Variants in PIK3CD observed in about 807,000 individuals in gnomAD.
PIK3CD encodes phosphatidylinositol-4,5-bisphosphate 3-kinase catalytic subunit delta, also known as phosphatidylinositol 4,5-bisphosphate 3-kinase catalytic subunit delta isoform.
Under a neutral mutation model 122.9 loss-of-function variants are expected in PIK3CD, and 20 were observed. The observed-to-expected ratio is 0.16, with a 90% CI of 0.11 to 0.24. PIK3CD has a LOEUF of 0.24. PIK3CD is among the 10% of genes least tolerant of loss of function. The probability of loss-of-function intolerance (pLI) is 1.00; values close to 1 mark genes in which losing one functional copy is unlikely to be tolerated. For missense variants in PIK3CD, 787 were observed against 1,406.3 expected, an observed-to-expected ratio of 0.56 and a Z score of 7.04; for synonymous variants, 596 against 593.4, an observed-to-expected ratio of 1.00 and a Z score of -0.06.
chr1:9,710,395 A>G lies in PIK3CD; in HGVS notation c.-32-29A>G. The G allele has an allele frequency of 6.4e-7, 1 of 1,574,794 alleles. No homozygotes were observed. The highest frequency in any genetic ancestry group is 8.7e-7 in the Non-Finnish European group (1 of 1,145,046). The stretch of plus-strand genomic sequence containing the variant: ...AGGTCTCACCCAGCTCAGCTGAGGT[A>G]ACTCATTTTGCCATTTCTTCATTTT... On this transcript the variant is annotated intron_variant, in intron 2 of 23. Coordinates refer to ENST00000377346, the MANE Select transcript of PIK3CD (RefSeq NM_005026.5). The surrounding 1 kb of genome is among the most constrained non-coding windows in gnomAD (Gnocchi z 4.7).
chr1:9,714,086 A>G (rs1331876972), intron 3 of PIK3CD, among the ~76,000 whole-genome samples: 1 of 152,116 alleles, frequency 6.6e-6, no homozygotes, highest in African/African-American at 2.4e-5. Context: ...TCCTGTGCTC[A>G]AGTGATCCTC....
intron 1 of PIK3CD, among the ~76,000 whole-genome samples, chr1:9,675,019 TAAAAA>T (rs35270071): frequency 1.4e-5 from 1 of 74,018 alleles, no homozygotes; most frequent in Non-Finnish European, 3.0e-5. Context: ...CTGGGCAATG[TAAAAA>T]AAAAAAAAAA....
chr1:9,674,388 T>C (rs1362333651), intron 1 of PIK3CD, among the ~76,000 whole-genome samples: 1 of 151,966 alleles, frequency 6.6e-6, no homozygotes, highest in African/African-American at 2.4e-5. Context: ...ACTTTGAAAA[T>C]ACGAAGGTTG....
chr1:9,722,321 G>T lies in PIK3CD; in HGVS notation c.2312G>T (p.Gly771Val), dbSNP rs749787380. The T allele has an allele frequency of 9.3e-6, 15 of 1,613,252 alleles. No individual in the cohort carries two copies. Among genetic ancestry groups the T allele is most frequent in the Non-Finnish European group, 1.3e-5 (15 of 1,179,812 alleles). Reference protein sequence around the residue: ...IMYSNEEAGSGGSVGIIFKNG... With the variant: ...IMYSNEEAGSVGSVGIIFKNG... The stretch of plus-strand genomic sequence containing the variant: ...TACAGCAACGAGGAGGCAGGCAGCG[G>T]CGGCAGCGTGGGCATCATCTTTAAG... The change falls in exon 18 of 24, where the codon GGC becomes GTC. Residue 771 changes from glycine to valine, a missense_variant. Gly to Val is a moderately radical substitution (Grantham distance 109). Transcript: ENST00000377346. The surrounding 1 kb of genome is among the most constrained non-coding windows in gnomAD (Gnocchi z 7.6).
the PIK3CD span, among the ~76,000 whole-genome samples, chr1:9,642,642 G>A: frequency 2.0e-5 from 3 of 150,980 alleles, no homozygotes; most frequent in East Asian, 2.0e-4. Flanking sequence ...GTGTGAACCC[G>A]GGAGGCGGAG....
intron 1 of PIK3CD, among the ~76,000 whole-genome samples, chr1:9,674,907 C>G (rs1208813535): frequency 6.6e-6 from 1 of 150,554 alleles, no homozygotes; most frequent in Non-Finnish European, 1.5e-5. Context: ...ATGATGCACA[C>G]CTGTAGTCCC....
intron 1 of PIK3CD, among the ~76,000 whole-genome samples, chr1:9,660,003 C>T (rs904565317): frequency 1.3e-5 from 2 of 152,198 alleles, no homozygotes; most frequent in Admixed American, 6.6e-5. Context: ...ACAACCTCCG[C>T]CTCCCAGGTT....
the PIK3CD span, among the ~76,000 whole-genome samples, chr1:9,628,086 T>G: frequency 6.6e-6 from 1 of 151,862 alleles, no homozygotes; most frequent in South Asian, 2.1e-4. Flanking sequence ...GTGGATCACC[T>G]GAGGTCACCA....
Position 9,655,446 on chromosome 1 carries a change from G to GCCC in PIK3CD, c.-138+3652_-138+3654dup, listed in dbSNP as rs59942799. Reference sequence around the variant, plus strand: ...AAAATAAAAAACCCAGGAACCCCCCGCCCCCCCCCCTTTTTTATTGCAGCT... The same window carrying GCCC: ...AAAATAAAAAACCCAGGAACCCCCCGCCCCCCCCCCCCCTTTTTTATTGCAGCT... On this transcript the variant is annotated intron_variant, in intron 1 of 23. Coordinates refer to ENST00000377346, the MANE Select transcript of PIK3CD (RefSeq NM_005026.5). Among the ~76,000 whole-genome samples the GCCC allele has an allele frequency of 2.1e-3, 165 of 76,926 alleles. 1 individual carries two copies. Among genetic ancestry groups the GCCC allele is most frequent in the Middle Eastern group, 7.4e-3 (1 of 136 alleles). The allele number at this position is 76,926 out of a possible 152,430, so 50.5% of individuals were successfully genotyped here. A position where few individuals can be genotyped will look rare whatever the true frequency, so the allele number is the denominator to read the frequency against.
In PIK3CD at chr1:9,722,175, A is replaced by G; in HGVS notation, c.2234+22A>G. 6.2e-7 allele frequency: 1 copy of G among 1,612,442 alleles called. No individual in the cohort carries two copies. The highest frequency in any genetic ancestry group is 1.3e-5 in the African/African-American group (1 of 74,962). On this transcript the variant is annotated intron_variant, in intron 17 of 23. Transcript: ENST00000377346. The surrounding 1 kb of genome is among the most constrained non-coding windows in gnomAD (Gnocchi z 7.6). Reference sequence around the variant, plus strand: ...TCTGGTGAGCCCAAGCCCCGCCACAAGGGTTCCTCCCACCCCTGGGAGGCC... The same window carrying G: ...TCTGGTGAGCCCAAGCCCCGCCACAGGGGTTCCTCCCACCCCTGGGAGGCC...
At chr1:9,702,740 C>G (rs532553563) in intron 2 of PIK3CD, among the ~76,000 whole-genome samples, 4 of 151,642 alleles carry the variant, frequency 2.6e-5, no homozygotes, top group African/African-American at 7.3e-5. Flanking sequence ...AGGCTGGTTT[C>G]GAACTCCTGA....
At position 9,715,524 on chromosome 1, in the gene PIK3CD, G is replaced by A. The variant is rs774574713; in HGVS notation, c.142-17G>A. On this transcript the variant is annotated splice_polypyrimidine_tract_variant and intron_variant, in intron 3 of 23. Coordinates refer to ENST00000377346, the MANE Select transcript of PIK3CD (RefSeq NM_005026.5). This position sits in a 1 kb window ranked among gnomAD's most constrained non-coding sequence, Gnocchi z 4.1. Reference sequence around the variant, plus strand: ...GCTGCCTTGGGTGGAGGGGCTGACCGGTGACTGTCCCTCCAGCTGCTGTGG... The same window carrying A: ...GCTGCCTTGGGTGGAGGGGCTGACCAGTGACTGTCCCTCCAGCTGCTGTGG... 15 of 1,608,598 alleles carry A rather than the reference G, an allele frequency of 9.3e-6. No homozygotes were observed. The highest frequency in any genetic ancestry group is 5.0e-5 in the Admixed American group (3 of 59,946).
In PIK3CD at chr1:9,721,111, C is replaced by A. The variant is rs1335931659; in HGVS notation, c.1690-16C>A. 6.2e-7 allele frequency: 1 copy of A among 1,608,014 alleles called. No homozygotes were observed. The highest frequency in any genetic ancestry group is 1.7e-5 in the Admixed American group (1 of 60,008). ...TGACCCCGGCCGCCCCCAAGCCTGA[C>A]CTCGGCTCCCCCCAGATGCTCTACC... is the stretch of plus-strand genomic sequence containing the variant. On this transcript the variant is annotated splice_polypyrimidine_tract_variant and intron_variant, in intron 13 of 23. Coordinates refer to ENST00000377346, the MANE Select transcript of PIK3CD (RefSeq NM_005026.5).
rs1213404231 is a variant in PIK3CD at position 9,718,304 on chromosome 1, T to A, written c.1021-390T>A. ...AGGTGGAATTGGAAGGGGCCGGACA[T>A]CAGGTGGCAGGAAAAGTCCTTCCCC... On this transcript the variant is annotated intron_variant, in intron 8 of 23. Transcript: ENST00000377346. The surrounding 1 kb of genome is among the most constrained non-coding windows in gnomAD (Gnocchi z 7.2). 1.5e-5 allele frequency: 7 copies of A among 458,266 alleles called. No homozygotes were observed. The highest frequency in any genetic ancestry group is 2.6e-5 in the Non-Finnish European group (6 of 234,722). The allele number at this position is 458,266 out of a possible 1,614,324, so 28.4% of individuals were successfully genotyped here.
chr1:9,638,559 C>T, the PIK3CD span, among the ~76,000 whole-genome samples: 2 of 151,594 alleles, frequency 1.3e-5, no homozygotes, highest in African/African-American at 4.8e-5. Context: ...GGTGAAACCC[C>T]GTCTCTACTA....
chr1:9,663,479 T>C (rs2100861609), intron 1 of PIK3CD, among the ~76,000 whole-genome samples: 1 of 152,330 alleles, frequency 6.6e-6, no homozygotes. Flanking sequence ...ATCTACCTGT[T>C]GATATCTACC....
intron 2 of PIK3CD, among the ~76,000 whole-genome samples, chr1:9,705,785 A>G (rs1183589376): frequency 6.6e-6 from 1 of 152,236 alleles, no homozygotes; most frequent in Middle Eastern, 3.2e-3. Flanking sequence ...ATTCACATCA[A>G]ATTGGCAAAA....
In PIK3CD at chr1:9,690,769, T is replaced by G. The variant is rs1270837922; in HGVS notation, c.-137-698T>G. ...CATGGAGAAGCCGGTGGTTTTGGTG[T>G]TGTGCTAAATCGAAGCCCACCTAGT... is the stretch of plus-strand genomic sequence containing the variant. On this transcript the variant is annotated intron_variant, in intron 1 of 23. Coordinates refer to ENST00000377346, the MANE Select transcript of PIK3CD (RefSeq NM_005026.5). 2.0e-5 allele frequency among the ~76,000 whole-genome samples: 3 copies of G among 152,296 alleles called. No individual in the cohort carries two copies. In the East Asian group the frequency reaches 5.8e-4, roughly 29 times the overall value.
rs1303659771 is a variant in PIK3CD at position 9,661,864 on chromosome 1, T to C, written c.-138+10062T>C. On this transcript the variant is annotated intron_variant, in intron 1 of 23. Coordinates refer to ENST00000377346, the MANE Select transcript of PIK3CD (RefSeq NM_005026.5). Reference sequence around the variant, plus strand: ...ACAAAAAATTAGCCGAGCTTGGTGGTGGGCACCTGTAGTCCCAGCTACTTG... The same window carrying C: ...ACAAAAAATTAGCCGAGCTTGGTGGCGGGCACCTGTAGTCCCAGCTACTTG... Among the ~76,000 whole-genome samples the C allele has an allele frequency of 2.0e-5, 3 of 152,144 alleles. No homozygotes were observed. In the East Asian group the frequency reaches 5.8e-4, roughly 29 times the overall value.
Sources: gnomAD v4.1 joint callset for allele counts (sites outside exome capture counted in the v4.1 genomes callset) on GRCh38, gnomAD v4.1.1 for gene constraint, Gnocchi (gnomAD v3.1) non-coding constraint, MANE v1.5 for transcripts, NCBI Gene and HGNC (gene_info 2026-07-23, HGNC 2026-07-21) for gene names.